The following CNTN1 variants were observed in gnomAD, a reference collection of about 807,000 sequenced individuals.
The protein encoded by CNTN1 is contactin 1.
In CNTN1, 38 loss-of-function variants were observed where a neutral mutation model predicts 126.4. The observed-to-expected ratio is 0.30, with a 90% CI of 0.23 to 0.39. The LOEUF (loss-of-function observed/expected upper bound fraction) is 0.39, where lower values mean the gene tolerates loss of function less well. Among genes scored for constraint, CNTN1 ranks in the 10% least tolerant of loss-of-function variants. The pLI is 1.00. For missense variants in CNTN1, 1,009 were observed against 1,248.4 expected (o/e 0.81, Z 2.89); for synonymous variants, 413 against 422.6 (o/e 0.98, Z 0.28).
chr12:40,972,357 T>A (rs1947544130), intron 15 of CNTN1: 1 of 984,514 alleles, frequency 1.0e-6, no homozygotes, highest in African/African-American at 1.7e-5. Context: ...GAAAATACCT[T>A]CACTTTCCCC....
chr12:41,009,204 G>A (rs1039849934), intron 17 of CNTN1, among the ~76,000 whole-genome samples: 22 of 152,210 alleles, frequency 1.4e-4, no homozygotes, highest in African/African-American at 5.3e-4. Context: ...GGAGAAAGGT[G>A]ACTGGGCTTA....
intron 23 of CNTN1, among the ~76,000 whole-genome samples, chr12:41,065,824 A>AGTTGT (rs1236575946): frequency 6.6e-6 from 1 of 152,220 alleles, no homozygotes; most frequent in Non-Finnish European, 1.5e-5. Context: ...TGAACTTTAC[A>AGTTGT]GTTGGCATTA....
In CNTN1 at chr12:41,070,824, TATCTA is replaced by T. The variant is rs1441023739; in HGVS notation, c.*790_*794del. Reference sequence around the variant, plus strand: ...TTCAAATCTCAAAAATCACAGCTCTTATCTAGAGTATCATAATATTGCTATATTTG... The same window carrying T: ...TTCAAATCTCAAAAATCACAGCTCTTGAGTATCATAATATTGCTATATTTG... On this transcript the variant is annotated 3_prime_UTR_variant, in exon 24 of 24. Transcript: ENST00000551295. 6.6e-6 allele frequency: 1 copy of T among 152,084 alleles called. No individual in the cohort carries two copies. Among genetic ancestry groups the T allele is most frequent in the Non-Finnish European group, 1.5e-5 (1 of 68,006 alleles). 9.4% of individuals were successfully genotyped at this position (152,084 alleles called of 1,614,324 possible).
chr12:40,874,854 A>C (rs1227045553), intron 1 of CNTN1, among the ~76,000 whole-genome samples: 1 of 152,202 alleles, frequency 6.6e-6, no homozygotes, highest in African/African-American at 2.4e-5. Context: ...AATGATTTAC[A>C]TATGTTGAAT....
intron 14 of CNTN1, among the ~76,000 whole-genome samples, chr12:40,951,714 T>TAAAAAAAAAAAAAAAA (rs1294780787): frequency 6.3e-5 from 5 of 79,618 alleles, no homozygotes; most frequent in Non-Finnish European, 6.6e-5. Context: ...GTCTCAAAAT[T>TAAAAAAAAAAAAAAAA]TAAAAAAAAA....
In CNTN1 at chr12:40,857,916, C is replaced by A. The variant is rs534157213; in HGVS notation, c.-76-50441C>A. Among the ~76,000 whole-genome samples the A allele has an allele frequency of 1.3e-4, 20 of 152,184 alleles. No homozygotes were observed. In the East Asian group the frequency reaches 3.7e-3, roughly 28 times the overall value. The stretch of plus-strand genomic sequence containing the variant: ...GGTGGTGGGATATTACTTTTTAATT[C>A]TGTGTACACATTGCCACAAATTTAG... On this transcript the variant is annotated intron_variant, in intron 1 of 23. Transcript: ENST00000551295.
chr12:40,979,014 T>C (rs1189528683), intron 15 of CNTN1: 1 of 152,208 alleles, frequency 6.6e-6, no homozygotes, highest in Non-Finnish European at 1.5e-5. Flanking sequence ...TGTGAAGTAA[T>C]GAACTTCTTG....
chr12:40,816,318 C>T (rs1941254394), intron 1 of CNTN1, among the ~76,000 whole-genome samples: 1 of 152,148 alleles, frequency 6.6e-6, no homozygotes, highest in South Asian at 2.1e-4. Flanking sequence ...ATTACTGCCT[C>T]AATTTCAGAG....
chr12:40,797,775 C>T lies in CNTN1; in HGVS notation c.-77+105183C>T, dbSNP rs112735657. 2.7e-3 allele frequency among the ~76,000 whole-genome samples: 412 copies of T among 151,850 alleles called. 1 individual carries two copies. Among genetic ancestry groups the T allele is most frequent in the African/African-American group, 9.4e-3 (389 of 41,422 alleles). ...GAGGAGAGAAAGAATACAATGGATT[C>T]GGTATATAGTTATGCAGTACAAAAC... On this transcript the variant is annotated intron_variant, in intron 1 of 23. Coordinates refer to ENST00000551295, the MANE Select transcript of CNTN1 (RefSeq NM_001843.4).
At chr12:40,886,785 T>C (rs1426551262) in intron 1 of CNTN1, among the ~76,000 whole-genome samples, 7 of 152,188 alleles carry the variant, frequency 4.6e-5, no homozygotes, top group Non-Finnish European at 8.8e-5. Flanking sequence ...TTTCTACATA[T>C]GGCTAGCCAG....
intron 17 of CNTN1, among the ~76,000 whole-genome samples, chr12:41,012,239 C>G (rs1948678023): frequency 6.6e-6 from 1 of 152,166 alleles, no homozygotes; most frequent in South Asian, 2.1e-4. Context: ...CTCTCTAGAA[C>G]AAGGGCAGGG....
chr12:40,715,722 T>C (rs913368073), intron 1 of CNTN1, among the ~76,000 whole-genome samples: 2 of 152,210 alleles, frequency 1.3e-5, no homozygotes, highest in South Asian at 4.2e-4. Context: ...GTCAGAGGAG[T>C]TGATGTAATT....
intron 20 of CNTN1, among the ~76,000 whole-genome samples, chr12:41,023,048 C>CTA (rs1004342488): frequency 6.6e-6 from 1 of 152,004 alleles, no homozygotes. Context: ...TCTTGACTGA[C>CTA]TATAATGTGG....
intron 1 of CNTN1, among the ~76,000 whole-genome samples, chr12:40,727,586 A>T (rs1942391060): frequency 1.3e-5 from 2 of 152,236 alleles, no homozygotes; most frequent in Admixed American, 6.5e-5. Flanking sequence ...ATTAACTTAC[A>T]TACTAAACTT....
At chr12:40,820,203 G>A (rs1941401933) in intron 1 of CNTN1, among the ~76,000 whole-genome samples, 1 of 152,150 alleles carries the variant, frequency 6.6e-6, no homozygotes, top group Non-Finnish European at 1.5e-5. Context: ...GGAAGTACCA[G>A]GCTCTTTTTA....
At chr12:41,033,913 G>T (rs1293487012) in intron 23 of CNTN1, among the ~76,000 whole-genome samples, 1 of 151,582 alleles carries the variant, frequency 6.6e-6, no homozygotes, top group Non-Finnish European at 1.5e-5. Flanking sequence ...AGCCGGGCGT[G>T]GTGGCGGGCA....
chr12:40,930,349 T>C (rs887013911), intron 7 of CNTN1, among the ~76,000 whole-genome samples: 1 of 152,018 alleles, frequency 6.6e-6, no homozygotes, highest in Non-Finnish European at 1.5e-5. Flanking sequence ...AGTAAGCTCA[T>C]GAAGAAATCA....
chr12:40,834,012 C>A lies in CNTN1; in HGVS notation c.-76-74345C>A, dbSNP rs117515757. 2.1e-3 allele frequency among the ~76,000 whole-genome samples: 324 copies of A among 152,276 alleles called. 8 individuals are homozygous for A. In the East Asian group the frequency reaches 0.055, roughly 26 times the overall value. On this transcript the variant is annotated intron_variant, in intron 1 of 23. Transcript: ENST00000551295. ...AAATAAATTCTGTTACATTAAGCCA[C>A]AAAATTGAATTGAATTGCACTCTCT...
At chr12:40,866,296 T>C (rs1429209243) in intron 1 of CNTN1, among the ~76,000 whole-genome samples, 1 of 152,142 alleles carries the variant, frequency 6.6e-6, no homozygotes. Context: ...CCTGGGTTTA[T>C]TTTATTTCTA....
Sources: allele counts gnomAD v4.1 joint callset (sites outside exome capture counted in the v4.1 genomes callset), GRCh38; gene constraint gnomAD v4.1.1; transcripts MANE v1.5; gene names NCBI Gene and HGNC (gene_info 2026-07-23, HGNC 2026-07-21).